Variants in GPC6 observed in about 807,000 individuals in gnomAD.
GPC6 encodes glypican-6.
GPC6 carries 14 observed loss-of-function variants against 55.2 expected under a neutral mutation model. The ratio of observed to expected loss-of-function variants is 0.25; its 90% CI spans 0.17 to 0.40. The LOEUF (loss-of-function observed/expected upper bound fraction) is 0.40, where lower values mean the gene tolerates loss of function less well. Among genes scored for constraint, GPC6 ranks in the 10% least tolerant of loss-of-function variants. GPC6 has a pLI of 1.00. For synonymous variants in GPC6, 278 were observed against 259.6 expected, an observed-to-expected ratio of 1.07 and a Z score of -0.68; for missense variants, 641 against 708.5, an observed-to-expected ratio of 0.90 and a Z score of 1.08.
chr13:94,197,513 C>T (rs1889616337), intron 4 of GPC6, among the ~76,000 whole-genome samples: 1 of 152,208 alleles, frequency 6.6e-6, no homozygotes, highest in African/African-American at 2.4e-5. Context: ...GCAGTCTTCT[C>T]TCTGTGTCCT....
At chr13:93,402,069 A>C (rs2762099) in intron 1 of GPC6, among the ~76,000 whole-genome samples, 16,385 of 152,148 alleles carry the variant, frequency 0.11, 978 homozygotes, top group South Asian at 0.12. Context: ...GTGTCATAGG[A>C]CAAGTAAAAG....
intron 2 of GPC6, among the ~76,000 whole-genome samples, chr13:93,660,726 T>C (rs921618380): frequency 2.0e-5 from 3 of 152,234 alleles, no homozygotes; most frequent in African/African-American, 7.2e-5. Flanking sequence ...AGGAATAATA[T>C]ATATCTAACC....
chr13:94,338,271 TG>T (rs1428856667), intron 6 of GPC6, among the ~76,000 whole-genome samples: 19 of 152,310 alleles, frequency 1.2e-4, no homozygotes, highest in African/African-American at 3.8e-4. Context: ...CTTCTGGGTG[TG>T]GCTGACACCA....
intron 3 of GPC6, among the ~76,000 whole-genome samples, chr13:93,945,096 A>G (rs144946996): frequency 1.3e-5 from 2 of 152,280 alleles, no homozygotes; most frequent in African/African-American, 4.8e-5. Flanking sequence ...CACAGAGTGT[A>G]AGTCCAGTGG....
intron 4 of GPC6, among the ~76,000 whole-genome samples, chr13:94,265,811 T>G (rs886695089): frequency 2.0e-5 from 3 of 152,200 alleles, no homozygotes; most frequent in Non-Finnish European, 4.4e-5. Flanking sequence ...ACATATGATT[T>G]TGTAAATTAG....
intron 1 of GPC6, among the ~76,000 whole-genome samples, chr13:93,495,989 C>T (rs1880251821): frequency 6.6e-6 from 1 of 151,036 alleles, no homozygotes; most frequent in Admixed American, 6.6e-5. Flanking sequence ...TTGTCTGTGC[C>T]CTGCCCCCAG....
intron 2 of GPC6, among the ~76,000 whole-genome samples, chr13:93,592,374 T>A (rs116018689): frequency 0.043 from 6,320 of 146,376 alleles, 436 homozygotes; most frequent in African/African-American, 0.15. Context: ...TATATATATA[T>A]AAACATATCA....
chr13:93,748,521 T>C (rs1304503472), intron 2 of GPC6, among the ~76,000 whole-genome samples: 1 of 152,100 alleles, frequency 6.6e-6, no homozygotes, highest in Admixed American at 6.6e-5. Flanking sequence ...CATTTCTAAT[T>C]CTATATTTTC....
intron 7 of GPC6, among the ~76,000 whole-genome samples, chr13:94,386,526 G>A (rs12872566): frequency 0.091 from 13,888 of 152,102 alleles, 751 homozygotes; most frequent in East Asian, 0.27. Flanking sequence ...GGAATTTGAG[G>A]CTGCAGTAAG....
chr13:93,271,423 G>A (rs2139053593), intron 1 of GPC6, among the ~76,000 whole-genome samples: 1 of 151,894 alleles, frequency 6.6e-6, no homozygotes, highest in East Asian at 1.9e-4. Flanking sequence ...AAGGTTTAAG[G>A]CAAAAGTATT....
intron 2 of GPC6, among the ~76,000 whole-genome samples, chr13:93,781,304 C>T (rs1292471888): frequency 2.0e-5 from 3 of 150,650 alleles, no homozygotes; most frequent in Admixed American, 6.6e-5. Flanking sequence ...AAAAGAAATA[C>T]ATAATTATAC....
intron 1 of GPC6, among the ~76,000 whole-genome samples, chr13:93,231,044 T>C (rs1875986302): frequency 6.6e-6 from 1 of 151,958 alleles, no homozygotes; most frequent in Non-Finnish European, 1.5e-5. Context: ...TTAAAAATTA[T>C]TACCTTTATA....
chr13:93,779,538 C>T (rs1054510726), intron 2 of GPC6, among the ~76,000 whole-genome samples: 10 of 152,126 alleles, frequency 6.6e-5, no homozygotes, highest in South Asian at 2.1e-4. Flanking sequence ...TGCTGGGTGG[C>T]GTGCCCCTCC....
At chr13:93,482,583 A>G (rs1012979621) in intron 1 of GPC6, among the ~76,000 whole-genome samples, 2 of 152,182 alleles carry the variant, frequency 1.3e-5, no homozygotes, top group African/African-American at 4.8e-5. Context: ...GAGGTATATT[A>G]GTTGCATTCT....
At chr13:94,139,656 G>A (rs770029257) in intron 4 of GPC6, among the ~76,000 whole-genome samples, 1 of 152,122 alleles carries the variant, frequency 6.6e-6, no homozygotes, top group Non-Finnish European at 1.5e-5. Flanking sequence ...CTTTAACCAT[G>A]GTCCTCATCA....
chr13:94,330,087 T>C (rs774939195), intron 6 of GPC6, among the ~76,000 whole-genome samples: 1 of 152,252 alleles, frequency 6.6e-6, no homozygotes, highest in Non-Finnish European at 1.5e-5. Flanking sequence ...TGCTGCCTGC[T>C]TTCTCTGTGT....
At chr13:94,296,740 C>G (rs749090616) in intron 5 of GPC6, among the ~76,000 whole-genome samples, 2 of 152,096 alleles carry the variant, frequency 1.3e-5, no homozygotes, top group Non-Finnish European at 2.9e-5. Flanking sequence ...GTAATTACTC[C>G]CTCGTGCATA....
intron 1 of GPC6, among the ~76,000 whole-genome samples, chr13:93,420,961 C>T (rs1313330113): frequency 6.6e-6 from 1 of 152,034 alleles, no homozygotes; most frequent in East Asian, 1.9e-4. Context: ...TGAATGACTA[C>T]AGGAAGCCAA....
chr13:94,352,554 C>T (rs931172048), intron 6 of GPC6, among the ~76,000 whole-genome samples: 4 of 151,832 alleles, frequency 2.6e-5, no homozygotes, highest in Non-Finnish European at 5.9e-5. Flanking sequence ...AGCACCTCAA[C>T]GGAAGGTCAC....
Sources: allele counts gnomAD v4.1 joint callset (sites outside exome capture counted in the v4.1 genomes callset), GRCh38; gene constraint gnomAD v4.1.1; transcripts MANE v1.5; gene names NCBI Gene and HGNC (gene_info 2026-07-23, HGNC 2026-07-21).